Variants in CFAP299 observed in about 807,000 individuals in gnomAD.
The protein encoded by CFAP299 is cilia and flagella associated protein 299.
In CFAP299, 21 loss-of-function variants were observed where a neutral mutation model predicts 27.0. The observed-to-expected ratio is 0.78, with a 90% CI of 0.55 to 1.12. The LOEUF is 1.12. Ranked by LOEUF, CFAP299 falls within the 50% of genes most tolerant of loss-of-function variation. CFAP299 has a pLI of 0.00. For synonymous variants in CFAP299, 104 were observed against 98.1 expected (o/e 1.06, Z -0.36); for missense variants, 310 against 276.6 (o/e 1.12, Z -0.86).
intron 3 of CFAP299, among the ~76,000 whole-genome samples, chr4:80,800,928 G>T (rs1357275374): frequency 6.6e-6 from 1 of 150,566 alleles, no homozygotes; most frequent in East Asian, 2.0e-4. Context: ...ATGTTTGAGG[G>T]CAGGCAGCAT....
At chr4:80,626,087 T>G (rs1738883772) in intron 3 of CFAP299, among the ~76,000 whole-genome samples, 1 of 151,980 alleles carries the variant, frequency 6.6e-6, no homozygotes, top group African/African-American at 2.4e-5. Context: ...GAATATATAT[T>G]ATTTTATTTG....
At chr4:80,597,896 A>G (rs371151253) in intron 3 of CFAP299, among the ~76,000 whole-genome samples, 2 of 152,164 alleles carry the variant, frequency 1.3e-5, no homozygotes, top group East Asian at 3.9e-4. Flanking sequence ...CATGTTGGCC[A>G]TGCTTATCTT....
chr4:80,760,952 G>A (rs1725512478), intron 3 of CFAP299, among the ~76,000 whole-genome samples: 1 of 152,142 alleles, frequency 6.6e-6, no homozygotes, highest in African/African-American at 2.4e-5. Context: ...GTTGGGACAA[G>A]TGAAAAGTTT....
intron 2 of CFAP299, among the ~76,000 whole-genome samples, chr4:80,416,070 C>G (rs969502587): frequency 1.3e-5 from 2 of 152,098 alleles, no homozygotes; most frequent in Non-Finnish European, 2.9e-5. Context: ...ACTCTAAAGC[C>G]TTTTTGAAGA....
At chr4:80,640,980 CTATAGA>C (rs1386704572) in intron 3 of CFAP299, among the ~76,000 whole-genome samples, 2 of 152,100 alleles carry the variant, frequency 1.3e-5, no homozygotes, top group African/African-American at 2.4e-5. Context: ...AATTGTGTCA[CTATAGA>C]TATAAAGTTT....
At chr4:80,950,068 A>G (rs1020130612) in intron 5 of CFAP299, among the ~76,000 whole-genome samples, 1 of 152,132 alleles carries the variant, frequency 6.6e-6, no homozygotes, top group African/African-American at 2.4e-5. Flanking sequence ...TACAGATAGA[A>G]CTTATATTAT....
At chr4:80,955,719 A>G (rs1278632566) in intron 5 of CFAP299, among the ~76,000 whole-genome samples, 1 of 152,182 alleles carries the variant, frequency 6.6e-6, no homozygotes, top group African/African-American at 2.4e-5. Context: ...TAATGTAGCT[A>G]GGCCAGGCGC....
At chr4:80,335,932 C>T (rs1722115803) in intron 1 of CFAP299, 53 bp downstream of exon 1, 1 of 1,133,412 alleles carries the variant, frequency 8.8e-7, no homozygotes, top group African/African-American at 1.5e-5. Context: ...TCGGTCCCTC[C>T]TCGAGTTCCC....
intron 2 of CFAP299, among the ~76,000 whole-genome samples, chr4:80,396,308 A>C (rs1308511872): frequency 6.6e-6 from 1 of 152,146 alleles, no homozygotes; most frequent in East Asian, 1.9e-4. Context: ...GAGATGCGTA[A>C]ACAGAATTTC....
chr4:80,776,656 G>T (rs900341207), intron 3 of CFAP299, among the ~76,000 whole-genome samples: 1 of 151,988 alleles, frequency 6.6e-6, no homozygotes, highest in Non-Finnish European at 1.5e-5. Flanking sequence ...AAACCTAGAT[G>T]ATGGGTTGAT....
intron 3 of CFAP299, among the ~76,000 whole-genome samples, chr4:80,780,112 G>T (rs1289535530): frequency 1.3e-5 from 2 of 151,614 alleles, no homozygotes; most frequent in African/African-American, 4.8e-5. Context: ...TCCTTGTCTG[G>T]AATGGTCTCC....
the CFAP299 span, among the ~76,000 whole-genome samples, chr4:80,324,653 A>G: frequency 4.6e-5 from 7 of 152,214 alleles, no homozygotes; most frequent in Non-Finnish European, 1.0e-4. Flanking sequence ...GAAATCAGGG[A>G]TACTAACACT....
intron 2 of CFAP299, among the ~76,000 whole-genome samples, chr4:80,438,944 T>A (rs1728220360): frequency 6.6e-6 from 1 of 152,220 alleles, no homozygotes; most frequent in African/African-American, 2.4e-5. Context: ...TTGCAATGGT[T>A]ATTTCAAATA....
chr4:80,704,161 G>A (rs775154996), intron 3 of CFAP299, among the ~76,000 whole-genome samples: 1 of 151,640 alleles, frequency 6.6e-6, no homozygotes, highest in Non-Finnish European at 1.5e-5. Context: ...GAGTGGGTGT[G>A]TATTTAGAAT....
intron 3 of CFAP299, among the ~76,000 whole-genome samples, chr4:80,799,353 ATTTATATAATATTTATATATATAAATG>A: frequency 2.0e-5 from 2 of 100,076 alleles, no homozygotes; most frequent in African/African-American, 4.2e-5. Context: ...ATATAAATGT[ATTTATATAATATTTATATATATAAATG>A]TATTTATATA....
At position 80,799,869 on chromosome 4, in the gene CFAP299, T is replaced by TA. The variant is rs1560417714; in HGVS notation, c.334-70123dup. Among the ~76,000 whole-genome samples the TA allele has an allele frequency of 3.1e-3, 103 of 32,744 alleles. 3 individuals are homozygous for TA. Among genetic ancestry groups the TA allele is most frequent in the African/African-American group, 0.014 (93 of 6,766 alleles). The allele number at this position is 32,744 out of a possible 152,430, so 21.5% of individuals were successfully genotyped here. On this transcript the variant is annotated intron_variant, in intron 3 of 5. Coordinates refer to ENST00000358105, the MANE Select transcript of CFAP299 (RefSeq NM_152770.3). ...ATATAATATATAAATATATATTATA[T>TA]ATATTATATTATATAATATATAAAT...
chr4:80,589,618 A>C (rs1284288638), intron 3 of CFAP299, among the ~76,000 whole-genome samples: 1 of 152,232 alleles, frequency 6.6e-6, no homozygotes, highest in Non-Finnish European at 1.5e-5. Flanking sequence ...AAAAAAATCC[A>C]ATCAACAACT....
rs142115005 is a variant in CFAP299 at position 80,848,327 on chromosome 4, T to C, written c.334-21666T>C. Among the ~76,000 whole-genome samples the C allele has an allele frequency of 9.2e-4, 140 of 152,276 alleles. 1 individual carries two copies. Among genetic ancestry groups the C allele is most frequent in the African/African-American group, 3.2e-3 (133 of 41,538 alleles). The stretch of plus-strand genomic sequence containing the variant: ...TAGAAACATAGTTATGCCTCAGGGA[T>C]ATGTTCTGAGAAATGTGATGTTAGG... On this transcript the variant is annotated intron_variant, in intron 3 of 5. Coordinates refer to ENST00000358105, the MANE Select transcript of CFAP299 (RefSeq NM_152770.3).
At chr4:80,550,803 ACACATG>A (rs1358878345) in intron 2 of CFAP299, among the ~76,000 whole-genome samples, 1 of 151,898 alleles carries the variant, frequency 6.6e-6, no homozygotes, top group Admixed American at 6.6e-5. Context: ...ACACACGCAT[ACACATG>A]CATAGTCCTA....
Sources: gnomAD v4.1 joint callset for allele counts (sites outside exome capture counted in the v4.1 genomes callset) on GRCh38, gnomAD v4.1.1 for gene constraint, MANE v1.5 for transcripts, NCBI Gene and HGNC (gene_info 2026-07-23, HGNC 2026-07-21) for gene names.